The following SBF2 variants were observed in gnomAD, a reference collection of about 807,000 sequenced individuals.
The protein encoded by SBF2 is myotubularin-related protein 13.
A neutral mutation model predicts 225.2 loss-of-function variants in SBF2; 112 were observed. The ratio of observed to expected loss-of-function variants is 0.50; its 90% CI spans 0.43 to 0.58. The LOEUF (loss-of-function observed/expected upper bound fraction) is 0.58. Among genes scored for constraint, SBF2 ranks in the 20% least tolerant of loss-of-function variants. The probability of loss-of-function intolerance (pLI) is 0.00; values close to 1 mark genes in which losing one functional copy is unlikely to be tolerated. For missense variants in SBF2, 1,996 were observed against 2,206.2 expected (o/e 0.90, Z 1.91); for synonymous variants, 763 against 773.3 (o/e 0.99, Z 0.22).
At chr11:9,888,809 T>C (rs1205359274) in intron 17 of SBF2, among the ~76,000 whole-genome samples, 2 of 152,190 alleles carry the variant, frequency 1.3e-5, no homozygotes, top group African/African-American at 4.8e-5. Flanking sequence ...CAGAATTGAG[T>C]GAGTCCTGTT....
chr11:10,162,301 G>A (rs1565302017), intron 2 of SBF2, among the ~76,000 whole-genome samples: 2 of 151,968 alleles, frequency 1.3e-5, no homozygotes, highest in South Asian at 4.1e-4. Flanking sequence ...TGGAGGCTGA[G>A]GATAACTAGT....
chr11:9,901,535 C>G (rs189525352), intron 16 of SBF2, among the ~76,000 whole-genome samples: 1 of 152,134 alleles, frequency 6.6e-6, no homozygotes, highest in Non-Finnish European at 1.5e-5. Flanking sequence ...ACAGATCTGA[C>G]AAAACAGACT....
chr11:9,958,657 C>A (rs978550834), intron 16 of SBF2: 5 of 294,972 alleles, frequency 1.7e-5, no homozygotes, highest in Non-Finnish European at 3.4e-5. Context: ...CTTTCAGTTA[C>A]AATTAGGACA....
rs1293612996 is a variant in SBF2, at chr11:10,300,514, A to AAT, written n.386+3976_386+3977dup. ...AACCACATCTCTATAAAAAGAAAAAAATATATATAAATATATATACATATA... is the reference window on the plus strand; with the variant it reads ...AACCACATCTCTATAAAAAGAAAAAAATATATATATAAATATATATACATATA... On this transcript the variant is annotated intron_variant and non_coding_transcript_variant, in intron 1 of 5. Transcript: ENST00000685217. Among the ~76,000 whole-genome samples the AAT allele has an allele frequency of 1.9e-4, 29 of 151,134 alleles. No homozygotes were observed. The East Asian group carries it at 5.4e-3, about 28-fold the overall frequency.
intron 16 of SBF2, among the ~76,000 whole-genome samples, chr11:9,923,865 T>C (rs1053904789): frequency 2.0e-5 from 3 of 147,498 alleles, no homozygotes; most frequent in African/African-American, 7.6e-5. Context: ...CACTGAAGTA[T>C]AAAGTGTGAG....
At chr11:10,219,144 C>T (rs7933724) in intron 1 of SBF2, among the ~76,000 whole-genome samples, 16,020 of 152,218 alleles carry the variant, frequency 0.11, 994 homozygotes, top group Non-Finnish European at 0.11. Flanking sequence ...GAAGACTCCA[C>T]CCCTGTAGCA....
At chr11:10,142,909 A>C (rs11602057) in intron 2 of SBF2, among the ~76,000 whole-genome samples, 4,973 of 152,268 alleles carry the variant, frequency 0.033, 115 homozygotes, top group Middle Eastern at 0.078. Flanking sequence ...GAATGGTCTA[A>C]AGAAAGGTAC....
intron 2 of SBF2, among the ~76,000 whole-genome samples, chr11:10,086,782 A>T (rs77108420): frequency 0.1 from 15,697 of 152,180 alleles, 974 homozygotes; most frequent in Non-Finnish European, 0.12. Context: ...AGGTCTAGGG[A>T]AATAAAAATT....
chr11:9,890,402 G>T (rs1468320035), intron 17 of SBF2, among the ~76,000 whole-genome samples: 2 of 152,056 alleles, frequency 1.3e-5, no homozygotes, highest in Non-Finnish European at 2.9e-5. Flanking sequence ...CTAGATACTA[G>T]AAAATAAATT....
intron 16 of SBF2, among the ~76,000 whole-genome samples, chr11:9,924,233 C>T (rs1392448015): frequency 6.6e-6 from 1 of 152,152 alleles, no homozygotes; most frequent in Non-Finnish European, 1.5e-5. Context: ...AGTACCCACA[C>T]AATCATTCTA....
intron 17 of SBF2, among the ~76,000 whole-genome samples, chr11:9,870,485 T>C (rs192834526): frequency 6.6e-6 from 1 of 152,190 alleles, no homozygotes. Flanking sequence ...CCAAACAGCA[T>C]GGTATTGGTA....
At chr11:10,231,366 TGGA>T (rs1329129466) in intron 1 of SBF2, among the ~76,000 whole-genome samples, 1 of 152,198 alleles carries the variant, frequency 6.6e-6, no homozygotes, top group Non-Finnish European at 1.5e-5. Context: ...TGCGTTCCTT[TGGA>T]GGAGGAGAAG....
chr11:9,991,364 G>A (rs190322644), intron 12 of SBF2, among the ~76,000 whole-genome samples: 24 of 152,154 alleles, frequency 1.6e-4, no homozygotes, highest in African/African-American at 5.5e-4. Context: ...TCTTACCTGT[G>A]AATACTTCAC....
intron 16 of SBF2, among the ~76,000 whole-genome samples, chr11:9,902,872 G>A (rs1194528389): frequency 6.6e-6 from 1 of 151,556 alleles, no homozygotes; most frequent in Non-Finnish European, 1.5e-5. Context: ...AAGCCTTTAA[G>A]AATTTCTGTA....
At chr11:9,953,353 G>T (rs1331910383) in intron 16 of SBF2, among the ~76,000 whole-genome samples, 1 of 151,992 alleles carries the variant, frequency 6.6e-6, no homozygotes, top group Non-Finnish European at 1.5e-5. Flanking sequence ...CTGAGGCAGA[G>T]AATTGCTTAA....
intron 26 of SBF2, chr11:9,839,276 G>C (rs759558844): frequency 7.1e-6 from 4 of 559,838 alleles, no homozygotes; most frequent in Non-Finnish European, 1.3e-5. Context: ...ATTCATAGGG[G>C]GTGAGTACTT....
chr11:10,240,326 T>C (rs1238469686), intron 1 of SBF2, among the ~76,000 whole-genome samples: 2 of 151,618 alleles, frequency 1.3e-5, no homozygotes, highest in Non-Finnish European at 2.9e-5. Context: ...AAGACTTCCT[T>C]ATTTCTGAGA....
At chr11:10,055,973 G>A (rs1489177273) in intron 2 of SBF2, among the ~76,000 whole-genome samples, 1 of 151,852 alleles carries the variant, frequency 6.6e-6, no homozygotes, top group Non-Finnish European at 1.5e-5. Flanking sequence ...ATTTCAAGAA[G>A]AAAATTAAAG....
chr11:9,866,824 T>TATCC (rs1858261823), intron 17 of SBF2, among the ~76,000 whole-genome samples: 1 of 152,092 alleles, frequency 6.6e-6, no homozygotes, highest in South Asian at 2.1e-4. Flanking sequence ...ATTTACAAAC[T>TATCC]ATCCATCCAT....
Sources: gnomAD v4.1 joint callset for allele counts (sites outside exome capture counted in the v4.1 genomes callset) on GRCh38, gnomAD v4.1.1 for gene constraint, MANE v1.5 for transcripts, NCBI Gene and HGNC (gene_info 2026-07-23, HGNC 2026-07-21) for gene names.